Variants in CNOT2 observed in about 807,000 individuals in gnomAD.
CNOT2 encodes CCR4-NOT transcription complex subunit 2.
A neutral mutation model predicts 72.1 loss-of-function variants in CNOT2; 7 were observed. The ratio of observed to expected loss-of-function variants is 0.10; its 90% CI spans 0.06 to 0.18. The LOEUF is 0.18. Ranked by LOEUF, CNOT2 falls within the 10% of genes least tolerant of loss-of-function variation. The probability of loss-of-function intolerance (pLI) is 1.00; values close to 1 mark genes in which losing one functional copy is unlikely to be tolerated. For synonymous variants in CNOT2, 196 were observed against 225.6 expected (o/e 0.87, Z 1.17); for missense variants, 345 against 660.3 (o/e 0.52, Z 5.23).
intron 2 of CNOT2, among the ~76,000 whole-genome samples, chr12:70,299,079 C>G (rs1418118115): frequency 6.6e-6 from 1 of 151,950 alleles, no homozygotes; most frequent in Non-Finnish European, 1.5e-5. Context: ...GTTTAATTGA[C>G]TCACATGGCT....
intron 2 of CNOT2, among the ~76,000 whole-genome samples, chr12:70,286,188 C>T (rs575270744): frequency 6.7e-6 from 1 of 148,938 alleles, no homozygotes; most frequent in Non-Finnish European, 1.5e-5. Context: ...AAGCAGTATT[C>T]TAAAACTTCA....
At position 70,300,659 on chromosome 12, in the gene CNOT2, C is replaced by G. The variant is rs1873764240; in HGVS notation, c.49-10236C>G. Reference sequence around the variant, plus strand: ...AGTTTGAAGTCAGGTAGCGTGATGCCTCCAGCTTTGTTCTTTTGGCTTAGG... The same window carrying G: ...AGTTTGAAGTCAGGTAGCGTGATGCGTCCAGCTTTGTTCTTTTGGCTTAGG... On this transcript the variant is annotated intron_variant, in intron 2 of 15. Coordinates refer to ENST00000229195, the MANE Select transcript of CNOT2 (RefSeq NM_014515.7). 1.3e-5 allele frequency among the ~76,000 whole-genome samples: 2 copies of G among 152,168 alleles called. 1 individual carries two copies. Among genetic ancestry groups the G allele is most frequent in the South Asian group, 4.1e-4 (2 of 4,828 alleles).
chr12:70,340,555 T>G (rs1463479099), intron 11 of CNOT2, among the ~76,000 whole-genome samples: 2 of 152,162 alleles, frequency 1.3e-5, no homozygotes, highest in Non-Finnish European at 2.9e-5. Flanking sequence ...TCTACAGCCT[T>G]TCCAATCTCA....
chr12:70,284,918 T>C (rs1416806840), intron 2 of CNOT2, among the ~76,000 whole-genome samples: 2 of 152,234 alleles, frequency 1.3e-5, no homozygotes, highest in African/African-American at 2.4e-5. Flanking sequence ...ATCACTTATA[T>C]TCATATGATT....
rs762330038 is a variant in CNOT2, at chr12:70,342,311, A to G, written c.1290+4A>G. 6.2e-7 allele frequency: 1 copy of G among 1,612,888 alleles called. No individual in the cohort carries two copies. Among genetic ancestry groups the G allele is most frequent in the South Asian group, 1.1e-5 (1 of 91,006 alleles). On this transcript the variant is annotated splice_donor_region_variant and intron_variant, in intron 13 of 15. Transcript: ENST00000229195. ...GAACATTCACATTAGGGATAAGGTG[A>G]GTGTAGTTTATTATTCTACTCAGTC... is the stretch of plus-strand genomic sequence containing the variant.
At chr12:70,341,007 T>C (rs1456283454) in intron 11 of CNOT2, among the ~76,000 whole-genome samples, 1 of 150,804 alleles carries the variant, frequency 6.6e-6, no homozygotes, top group African/African-American at 2.4e-5. Flanking sequence ...GCGATTCTCC[T>C]GAGTAGCTGG....
intron 2 of CNOT2, among the ~76,000 whole-genome samples, chr12:70,309,077 C>CT (rs1298764347): frequency 6.6e-6 from 1 of 152,010 alleles, no homozygotes; most frequent in Non-Finnish European, 1.5e-5. Context: ...CCACTGTTTC[C>CT]TTTTTGAAAT....
At chr12:70,285,498 G>A (rs146022896) in intron 2 of CNOT2, 3,436 of 152,230 alleles carry the variant, frequency 0.023, 82 homozygotes, top group Admixed American at 0.047. Flanking sequence ...TTACAGGCGT[G>A]AGCCACCGCA....
chr12:70,303,876 A>G (rs1044603879), intron 2 of CNOT2, among the ~76,000 whole-genome samples: 15 of 152,176 alleles, frequency 9.9e-5, no homozygotes, highest in African/African-American at 2.9e-4. Flanking sequence ...GTCTTTTCAC[A>G]TAGTCCCATA....
At chr12:70,315,728 T>C (rs1021351440) in intron 3 of CNOT2, among the ~76,000 whole-genome samples, 1 of 152,182 alleles carries the variant, frequency 6.6e-6, no homozygotes, top group Admixed American at 6.5e-5. Context: ...CTGAGAGATA[T>C]GGAAGACCTG....
intron 1 of CNOT2, among the ~76,000 whole-genome samples, chr12:70,258,349 C>G (rs1187580340): frequency 6.6e-6 from 1 of 152,102 alleles, no homozygotes; most frequent in African/African-American, 2.4e-5. Context: ...ATTTAATTTA[C>G]TGTATTAACA....
chr12:70,324,015 C>T (rs1242240514), intron 4 of CNOT2: 3 of 151,742 alleles, frequency 2.0e-5, no homozygotes. Flanking sequence ...CACAGCAGCT[C>T]CACAAGAGTT....
intron 2 of CNOT2, among the ~76,000 whole-genome samples, chr12:70,304,190 C>G (rs780454997): frequency 6.6e-6 from 1 of 151,496 alleles, no homozygotes; most frequent in Non-Finnish European, 1.5e-5. Flanking sequence ...CTGAAGCCTT[C>G]TTGTCTCAAC....
intron 1 of CNOT2, among the ~76,000 whole-genome samples, chr12:70,263,635 A>G (rs886445910): frequency 6.6e-6 from 1 of 152,208 alleles, no homozygotes; most frequent in Non-Finnish European, 1.5e-5. Context: ...ATTATTGAAT[A>G]TATTTTTAAC....
chr12:70,258,954 G>A (rs980377849), intron 1 of CNOT2, among the ~76,000 whole-genome samples: 5 of 152,102 alleles, frequency 3.3e-5, no homozygotes, highest in Non-Finnish European at 1.5e-5. Flanking sequence ...TGGTAGATGG[G>A]TACAGAAAAG....
At chr12:70,329,759 C>A in intron 5 of CNOT2, 189 bp downstream of exon 5, 1 of 540,292 alleles carries the variant, frequency 1.9e-6, no homozygotes, top group South Asian at 2.6e-5. Flanking sequence ...TTTTATACTG[C>A]AGCTCGCATA....
chr12:70,347,404 G>C (rs1369926819), intron 15 of CNOT2, among the ~76,000 whole-genome samples: 2 of 151,942 alleles, frequency 1.3e-5, no homozygotes, highest in African/African-American at 4.8e-5. Flanking sequence ...AGGCTGAGGT[G>C]GGTGGATCAT....
chr12:70,339,773 A>G (rs1433237865), intron 11 of CNOT2, among the ~76,000 whole-genome samples: 1 of 152,098 alleles, frequency 6.6e-6, no homozygotes, highest in African/African-American at 2.4e-5. Context: ...CTATCAAATG[A>G]TGATCTTGCT....
At chr12:70,320,645 A>G (rs1322925359) in intron 4 of CNOT2, among the ~76,000 whole-genome samples, 1 of 151,726 alleles carries the variant, frequency 6.6e-6, no homozygotes, top group African/African-American at 2.4e-5. Flanking sequence ...TGTGGCTTTC[A>G]CCCTTCTGGT....
Sources: gnomAD v4.1 joint callset for allele counts (sites outside exome capture counted in the v4.1 genomes callset) on GRCh38, gnomAD v4.1.1 for gene constraint, MANE v1.5 for transcripts, NCBI Gene and HGNC (gene_info 2026-07-23, HGNC 2026-07-21) for gene names.